ZNF469: variants seen among roughly 807,000 people sequenced by gnomAD.
ZNF469 encodes the protein zinc finger protein 469.
A neutral mutation model predicts 1.0 loss-of-function variants in ZNF469; 1 was observed. That is an observed-to-expected ratio of 1.00 (90% CI 0.35 to 4.73). The LOEUF is 4.73. Ranked by LOEUF, ZNF469 falls within the 30% of genes most tolerant of loss-of-function variation. The pLI is 0.16. For missense variants in ZNF469, 6,100 were observed against 5,356.3 expected (o/e 1.14, Z -4.33); for synonymous variants, 2,703 against 2,363.4 (o/e 1.14, Z -4.17).
chr16:88,432,040 C>T lies in ZNF469; in HGVS notation c.4570C>T (p.Leu1524Phe), dbSNP rs553117275. The change falls in exon 3 of 3, where the codon CTC becomes TTC. Residue 1524 changes from leucine (L) to phenylalanine (F), a missense_variant. Leu to Phe is a conservative substitution (Grantham distance 22). Coordinates refer to ENST00000565624, the MANE Select transcript of ZNF469 (RefSeq NM_001367624.2). Reference protein sequence around the residue: ...HFPDLSGGKVLSKTCPPERTV... With the variant: ...HFPDLSGGKVFSKTCPPERTV... The stretch of plus-strand genomic sequence containing the variant: ...TCCTGATCTCTCGGGGGGAAAGGTG[C>T]TCAGTAAGACGTGTCCCCCTGAACG... The T allele has an allele frequency of 1.9e-6, 3 of 1,550,552 alleles. No homozygotes were observed. Among genetic ancestry groups the T allele is most frequent in the African/African-American group, 2.7e-5 (2 of 73,172 alleles).
In ZNF469 at chr16:88,434,053, G is replaced by C. The variant is rs1466703946; in HGVS notation, c.6583G>C (p.Ala2195Pro). Residue 2195 changes from alanine to proline, a missense_variant, in exon 3 of 3, where the codon GCT becomes CCT. Ala to Pro is a conservative substitution (Grantham distance 27). Transcript: ENST00000565624. ...TDTGAEDSPV[A>P]PPSLTTSPCD... ...TACTGGGGCTGAGGATTCCCCGGTG[G>C]CTCCCCCGTCTTTGACAACAAGCCC... 6.5e-7 allele frequency: 1 copy of C among 1,550,270 alleles called. No individual in the cohort carries two copies. The highest frequency in any genetic ancestry group is 8.7e-7 in the Non-Finnish European group (1 of 1,146,878).
chr16:88,212,870 C>T, the ZNF469 span, among the ~76,000 whole-genome samples: 18 of 152,324 alleles, frequency 1.2e-4, no homozygotes, highest in East Asian at 2.9e-3. Context: ...AGGTGTGAGC[C>T]ACTGCTCCCT....
the ZNF469 span, chr16:88,234,774 C>G: frequency 2.6e-5 from 4 of 152,252 alleles, no homozygotes; most frequent in African/African-American, 9.6e-5. Context: ...TTTGTCTTTC[C>G]CATTGCAGCT....
the ZNF469 span, among the ~76,000 whole-genome samples, chr16:88,296,696 G>A: frequency 4.0e-5 from 6 of 151,384 alleles, 1 homozygote; most frequent in Non-Finnish European, 8.8e-5. Context: ...ACACTCACAT[G>A]TGCAGACCCA....
chr16:88,140,760 C>T, the ZNF469 span, among the ~76,000 whole-genome samples: 1 of 152,212 alleles, frequency 6.6e-6, no homozygotes, highest in South Asian at 2.1e-4. Flanking sequence ...GGCGAAACCC[C>T]ACCTCTACTA....
At chr16:88,224,787 CTG>C in the ZNF469 span, among the ~76,000 whole-genome samples, 6 of 152,212 alleles carry the variant, frequency 3.9e-5, no homozygotes, top group African/African-American at 1.4e-4. Context: ...ACACGTGTCT[CTG>C]TGTGTGCACA....
chr16:88,428,262 C>T lies in ZNF469; in HGVS notation c.792C>T (p.Pro264=), dbSNP rs1019490133. ...EPEPIPKGSR[P]GGSPRGVSFQ... Reference sequence around the variant, plus strand: ...AACCTATTCCCAAAGGCAGCAGGCCCGGCGGCAGCCCCAGGGGAGTTTCCT... The same window carrying T: ...AACCTATTCCCAAAGGCAGCAGGCCTGGCGGCAGCCCCAGGGGAGTTTCCT... Residue 264 remains proline, a synonymous_variant, in exon 3 of 3, where the codon CCC becomes CCT. Transcript: ENST00000565624. The T allele has an allele frequency of 1.1e-5, 17 of 1,550,234 alleles. No individual in the cohort carries two copies. The African/African-American group carries it at 1.4e-4, about 12-fold the overall frequency.
At chr16:88,225,224 T>A in the ZNF469 span, among the ~76,000 whole-genome samples, 5 of 152,220 alleles carry the variant, frequency 3.3e-5, no homozygotes, top group Non-Finnish European at 5.9e-5. Flanking sequence ...TTGAGTTTCC[T>A]CAAATATTCT....
the ZNF469 span, among the ~76,000 whole-genome samples, chr16:88,298,758 C>T: frequency 6.6e-6 from 1 of 152,196 alleles, no homozygotes; most frequent in Non-Finnish European, 1.5e-5. Flanking sequence ...CCTCCCGAGA[C>T]AGGAGCAAGC....
At chr16:88,130,298 C>G in the ZNF469 span, among the ~76,000 whole-genome samples, 1 of 152,088 alleles carries the variant, frequency 6.6e-6, no homozygotes, top group Non-Finnish European at 1.5e-5. Context: ...ACAAACCGCA[C>G]GCCGCAGACA....
intron 1 of ZNF469, among the ~76,000 whole-genome samples, chr16:88,404,334 G>T (rs760318781): frequency 3.3e-5 from 5 of 152,350 alleles, no homozygotes; most frequent in East Asian, 1.9e-4. Context: ...CCACAGCCAG[G>T]CCTTGAGAGG....
chr16:88,376,764 G>A, the ZNF469 span, among the ~76,000 whole-genome samples: 1 of 152,226 alleles, frequency 6.6e-6, no homozygotes, highest in South Asian at 2.1e-4. Flanking sequence ...CCACACGGCT[G>A]GCAGACAGCA....
Position 88,429,383 on chromosome 16 carries a change from C to T in ZNF469, c.1913C>T (p.Pro638Leu), listed in dbSNP as rs572690908. 2.4e-4 allele frequency: 374 copies of T among 1,549,438 alleles called. 1 individual carries two copies. The African/African-American group carries it at 4.8e-3, about 20-fold the overall frequency. ...PLGPSAFFHPPTHPQETGSPF... is the reference protein window; with the variant it reads ...PLGPSAFFHPLTHPQETGSPF... Reference sequence around the variant, plus strand: ...GGGCCCTCGGCCTTCTTCCACCCACCCACTCACCCCCAGGAGACGGGCAGC... The same window carrying T: ...GGGCCCTCGGCCTTCTTCCACCCACTCACTCACCCCCAGGAGACGGGCAGC... The change falls in exon 3 of 3, where the codon CCC becomes CTC. Residue 638 changes from proline to leucine, a missense_variant. Pro to Leu is a moderately conservative substitution (Grantham distance 98). Transcript: ENST00000565624.
intron 1 of ZNF469, among the ~76,000 whole-genome samples, chr16:88,397,434 G>A (rs1055846777): frequency 6.6e-6 from 1 of 152,078 alleles, no homozygotes; most frequent in Non-Finnish European, 1.5e-5. Flanking sequence ...TAAGAAGACT[G>A]CTGAGGAAGG....
chr16:88,377,424 G>A, the ZNF469 span, among the ~76,000 whole-genome samples: 7 of 152,274 alleles, frequency 4.6e-5, no homozygotes, highest in Non-Finnish European at 8.8e-5. Context: ...CCTGCAGTGG[G>A]GGTGTGTGCC....
the ZNF469 span, among the ~76,000 whole-genome samples, chr16:88,166,403 G>A: frequency 6.6e-6 from 1 of 152,038 alleles, no homozygotes; most frequent in East Asian, 1.9e-4. The surrounding 1 kb of genome is among the most constrained non-coding windows in gnomAD (Gnocchi z 4.5). Flanking sequence ...GAGTGCAATC[G>A]TTGTTTACGT....
At chr16:88,390,974 C>T (rs1218455118) in intron 1 of ZNF469, among the ~76,000 whole-genome samples, 1 of 152,364 alleles carries the variant, frequency 6.6e-6, no homozygotes, top group East Asian at 1.9e-4. Flanking sequence ...CAGGCAGCTG[C>T]CCACACCACA....
At chr16:88,420,934 T>G (rs1303815619) in intron 1 of ZNF469, among the ~76,000 whole-genome samples, 1 of 146,158 alleles carries the variant, frequency 6.8e-6, no homozygotes. Context: ...CAGGAGTGAG[T>G]GGGGGTCGGG....
chr16:88,412,670 C>T (rs1272662370), intron 1 of ZNF469, among the ~76,000 whole-genome samples: 1 of 152,200 alleles, frequency 6.6e-6, no homozygotes, highest in African/African-American at 2.4e-5. Flanking sequence ...GATGTCCCCA[C>T]ACTCGGTCAA....
Sources: allele counts gnomAD v4.1 joint callset (sites outside exome capture counted in the v4.1 genomes callset), GRCh38; gene constraint gnomAD v4.1.1; non-coding constraint Gnocchi (gnomAD v3.1); transcripts MANE v1.5; gene names NCBI Gene and HGNC (gene_info 2026-07-23, HGNC 2026-07-21).